CAMK4: variants seen among roughly 807,000 people sequenced by gnomAD.
The protein encoded by CAMK4 is calcium/calmodulin dependent protein kinase IV, also known as calcium/calmodulin-dependent protein kinase type IV.
Under a neutral mutation model 44.9 loss-of-function variants are expected in CAMK4, and 22 were observed. The observed-to-expected ratio is 0.49, with a 90% CI of 0.35 to 0.70. CAMK4 has a LOEUF of 0.70. Among genes scored for constraint, CAMK4 ranks in the 30% least tolerant of loss-of-function variants. CAMK4 has a pLI of 0.01. For synonymous variants in CAMK4, 218 were observed against 215.4 expected, an observed-to-expected ratio of 1.01 and a Z score of -0.11; for missense variants, 498 against 586.8, an observed-to-expected ratio of 0.85 and a Z score of 1.56.
At chr5:111,261,146 T>C (rs1749956925) in intron 1 of CAMK4, among the ~76,000 whole-genome samples, 1 of 152,210 alleles carries the variant, frequency 6.6e-6, no homozygotes, top group African/African-American at 2.4e-5. Flanking sequence ...TCATACACAG[T>C]GAAGATTTCC....
At chr5:111,272,986 G>A (rs973185091) in intron 1 of CAMK4, among the ~76,000 whole-genome samples, 1 of 152,062 alleles carries the variant, frequency 6.6e-6, no homozygotes, top group African/African-American at 2.4e-5. Flanking sequence ...TTCCAGGAAG[G>A]TACACAAGTG....
intron 5 of CAMK4, among the ~76,000 whole-genome samples, chr5:111,437,584 G>C (rs920300972): frequency 6.6e-6 from 1 of 152,162 alleles, no homozygotes; most frequent in Non-Finnish European, 1.5e-5. Context: ...TATAAGAGCT[G>C]ACACATATGT....
intron 1 of CAMK4, among the ~76,000 whole-genome samples, chr5:111,305,838 A>G (rs1747912044): frequency 1.5e-5 from 2 of 131,378 alleles, no homozygotes; most frequent in Non-Finnish European, 3.2e-5. Flanking sequence ...CATTGATGCA[A>G]AAATCCTCAA....
In CAMK4 at chr5:111,365,510, A is replaced by G. The variant is rs148547584; in HGVS notation, c.241-9340A>G. On this transcript the variant is annotated intron_variant, in intron 2 of 10. Transcript: ENST00000282356. Reference sequence around the variant, plus strand: ...AGACATACATGCTAAAATGTTCAGTATAGGAATGTGTAATAGTGAAAGGGA... The same window carrying G: ...AGACATACATGCTAAAATGTTCAGTGTAGGAATGTGTAATAGTGAAAGGGA... Among the ~76,000 whole-genome samples the G allele has an allele frequency of 8.3e-3, 245 of 29,342 alleles. 1 individual carries two copies. The highest frequency in any genetic ancestry group is 0.056 in the African/African-American group (236 of 4,226). 19.2% of individuals were successfully genotyped at this position (29,342 alleles called of 152,430 possible).
chr5:111,276,016 C>G (rs1054796931), intron 1 of CAMK4, among the ~76,000 whole-genome samples: 3 of 152,094 alleles, frequency 2.0e-5, no homozygotes, highest in Non-Finnish European at 4.4e-5. Flanking sequence ...ATATTATTGA[C>G]AATTCAGTTT....
rs116435203 is a variant in CAMK4 at position 111,396,165 on chromosome 5, T to C, written c.459+1383T>C. 4.5e-3 allele frequency among the ~76,000 whole-genome samples: 678 copies of C among 152,308 alleles called. 7 individuals are homozygous for C. Among genetic ancestry groups the C allele is most frequent in the African/African-American group, 0.016 (650 of 41,564 alleles). ...GCATAAGGCTTCTAGAAATAGCCAA[T>C]TGAACCAAATTTGTTATTGAGCTAT... On this transcript the variant is annotated intron_variant, in intron 5 of 10. Coordinates refer to ENST00000282356, the MANE Select transcript of CAMK4 (RefSeq NM_001744.6).
At chr5:111,341,848 G>C (rs1749658897) in intron 1 of CAMK4, among the ~76,000 whole-genome samples, 1 of 151,342 alleles carries the variant, frequency 6.6e-6, no homozygotes, top group Non-Finnish European at 1.5e-5. Context: ...TGTTGGAGCT[G>C]CCTTCTTAAT....
At chr5:111,344,260 G>C (rs1749774433) in intron 2 of CAMK4, among the ~76,000 whole-genome samples, 158 bp downstream of exon 2, 1 of 151,758 alleles carries the variant, frequency 6.6e-6, no homozygotes, top group Non-Finnish European at 1.5e-5. Context: ...GTTGTTGTCT[G>C]GTGGAAATTG....
chr5:111,317,592 C>T (rs1260015839), intron 1 of CAMK4, among the ~76,000 whole-genome samples: 2 of 152,056 alleles, frequency 1.3e-5, no homozygotes, highest in African/African-American at 2.4e-5. Context: ...CTTACATGAT[C>T]CTTATAATGA....
chr5:111,260,511 T>C (rs940508260), intron 1 of CAMK4, among the ~76,000 whole-genome samples: 1 of 152,172 alleles, frequency 6.6e-6, no homozygotes, highest in Non-Finnish European at 1.5e-5. Context: ...CTTGTCTTCC[T>C]ATATTTTCAG....
At chr5:111,428,388 T>C (rs980832526) in intron 5 of CAMK4, among the ~76,000 whole-genome samples, 8 of 152,126 alleles carry the variant, frequency 5.3e-5, no homozygotes, top group Admixed American at 5.2e-4. Context: ...ATGAACTAAA[T>C]AAGGCACCAG....
chr5:111,458,368 C>A (rs1214437054), intron 7 of CAMK4, among the ~76,000 whole-genome samples: 1 of 152,138 alleles, frequency 6.6e-6, no homozygotes, highest in African/African-American at 2.4e-5. Flanking sequence ...AAGAAAACTG[C>A]GTCTTTGGAG....
At chr5:111,332,310 A>G (rs982368335) in intron 1 of CAMK4, among the ~76,000 whole-genome samples, 7 of 133,912 alleles carry the variant, frequency 5.2e-5, no homozygotes, top group African/African-American at 1.7e-4. Context: ...ATTCCTATCT[A>G]TGCGTGAGAA....
intron 2 of CAMK4, among the ~76,000 whole-genome samples, chr5:111,371,869 T>A (rs1416265013): frequency 1.3e-5 from 2 of 152,116 alleles, no homozygotes; most frequent in South Asian, 4.1e-4. Flanking sequence ...TCAAATTATA[T>A]CACCAATGAC....
chr5:111,372,697 G>GC (rs2112818377), intron 2 of CAMK4, among the ~76,000 whole-genome samples: 1 of 152,294 alleles, frequency 6.6e-6, no homozygotes, highest in East Asian at 1.9e-4. Flanking sequence ...AACTGAAAGA[G>GC]CTTTGATCAA....
chr5:111,322,825 C>A (rs1018963936), intron 1 of CAMK4, among the ~76,000 whole-genome samples: 2 of 151,828 alleles, frequency 1.3e-5, no homozygotes, highest in Non-Finnish European at 2.9e-5. Flanking sequence ...TGTAAAAGAG[C>A]CTAATGGGAA....
At chr5:111,258,895 A>G (rs1443528110) in intron 1 of CAMK4, among the ~76,000 whole-genome samples, 1 of 151,948 alleles carries the variant, frequency 6.6e-6, no homozygotes, top group Non-Finnish European at 1.5e-5. Flanking sequence ...AAAGTAAACA[A>G]CTCAATCTAT....
At chr5:111,312,551 CTCAG>C (rs766198201) in intron 1 of CAMK4, among the ~76,000 whole-genome samples, 3 of 152,092 alleles carry the variant, frequency 2.0e-5, no homozygotes, top group South Asian at 4.2e-4. Flanking sequence ...TTCCAGCAGA[CTCAG>C]TCAGTGTATC....
At chr5:111,273,312 C>T (rs1750593112) in intron 1 of CAMK4, among the ~76,000 whole-genome samples, 1 of 151,870 alleles carries the variant, frequency 6.6e-6, no homozygotes, top group African/African-American at 2.4e-5. Context: ...TATATAAGCA[C>T]ATACACACAC....
Sources: gnomAD v4.1 joint callset for allele counts (sites outside exome capture counted in the v4.1 genomes callset) on GRCh38, gnomAD v4.1.1 for gene constraint, MANE v1.5 for transcripts, NCBI Gene and HGNC (gene_info 2026-07-23, HGNC 2026-07-21) for gene names.